ADD3: variants seen among roughly 807,000 people sequenced by gnomAD.
ADD3 encodes gamma-adducin.
In ADD3, 25 loss-of-function variants were observed where a neutral mutation model predicts 80.2. The observed-to-expected ratio is 0.31, with a 90% CI of 0.23 to 0.44. The LOEUF (loss-of-function observed/expected upper bound fraction) is 0.44. Among genes scored for constraint, ADD3 ranks in the 20% least tolerant of loss-of-function variants. The pLI is 1.00. For missense variants in ADD3, 829 were observed against 847.5 expected (o/e 0.98, Z 0.27); for synonymous variants, 284 against 289.6 (o/e 0.98, Z 0.20).
At chr10:110,084,004 G>A (rs371977011) in intron 1 of ADD3, among the ~76,000 whole-genome samples, 1 of 152,152 alleles carries the variant, frequency 6.6e-6, no homozygotes, top group Non-Finnish European at 1.5e-5. Flanking sequence ...AGTACTTGAT[G>A]TAGGCTTTAA....
chr10:110,063,780 T>TATAA (rs1158539551), intron 1 of ADD3, among the ~76,000 whole-genome samples: 3 of 112,580 alleles, frequency 2.7e-5, no homozygotes, highest in East Asian at 5.3e-4. Flanking sequence ...TATATATATA[T>TATAA]ATAAAGTGAA....
At chr10:110,007,641 G>A (rs1401395361), upstream of ADD3, among the ~76,000 whole-genome samples, 1 of 152,210 alleles carries the variant, frequency 6.6e-6, no homozygotes, top group Non-Finnish European at 1.5e-5. Context: ...GCGCCAGGCA[G>A]CCGCCCCGAA....
intron 1 of ADD3, among the ~76,000 whole-genome samples, chr10:110,052,329 C>T (rs887027331): frequency 3.3e-5 from 5 of 152,164 alleles, no homozygotes; most frequent in African/African-American, 1.2e-4. Context: ...GTTCCCATTC[C>T]CTGGGCCCCG....
At chr10:110,096,608 G>A (rs1258437693) in intron 1 of ADD3, among the ~76,000 whole-genome samples, 3 of 152,094 alleles carry the variant, frequency 2.0e-5, no homozygotes, top group Admixed American at 6.6e-5. Flanking sequence ...GGTCTGCTGG[G>A]AACCTGGCTT....
At chr10:110,011,545 T>C (rs1349405183) in intron 1 of ADD3, among the ~76,000 whole-genome samples, 1 of 152,246 alleles carries the variant, frequency 6.6e-6, no homozygotes, top group East Asian at 1.9e-4. Context: ...AAGACACAGG[T>C]TACTAATCTG....
intron 1 of ADD3, among the ~76,000 whole-genome samples, chr10:110,039,605 T>C (rs1036995287): frequency 6.6e-6 from 1 of 152,224 alleles, no homozygotes; most frequent in African/African-American, 2.4e-5. Context: ...ACTGTATTAG[T>C]TATCTATTGC....
intron 1 of ADD3, among the ~76,000 whole-genome samples, chr10:109,998,698 A>G (rs2133666099): frequency 6.6e-6 from 1 of 152,048 alleles, no homozygotes; most frequent in Middle Eastern, 3.4e-3. Context: ...TCAATCTCTC[A>G]ATCATACCAA....
In ADD3 at chr10:110,095,229, A is replaced by C. The variant is rs140033881; in HGVS notation, c.-29-5396A>C. ...TTTTTAAAATAACAGTTTTATGGAG[A>C]TAATTCACATACCATGCCATTTGGC... On this transcript the variant is annotated intron_variant, in intron 1 of 14. Coordinates refer to ENST00000356080, the MANE Select transcript of ADD3 (RefSeq NM_016824.5). 3.2e-4 allele frequency among the ~76,000 whole-genome samples: 48 copies of C among 152,312 alleles called. No homozygotes were observed. In the East Asian group the frequency reaches 9.1e-3, roughly 29 times the overall value.
At chr10:109,998,489 C>G (rs1851422378) in intron 1 of ADD3, among the ~76,000 whole-genome samples, 1 of 152,198 alleles carries the variant, frequency 6.6e-6, no homozygotes, top group African/African-American at 2.4e-5. Flanking sequence ...AGTCACATCT[C>G]TCTAGTGTTC....
chr10:110,046,120 T>G (rs1424009859), intron 1 of ADD3, among the ~76,000 whole-genome samples: 1 of 152,218 alleles, frequency 6.6e-6, no homozygotes, highest in Non-Finnish European at 1.5e-5. Context: ...AAAGTTGAAT[T>G]GCTTGATGTG....
chr10:110,093,158 C>A (rs1417101014), intron 1 of ADD3, among the ~76,000 whole-genome samples: 1 of 152,146 alleles, frequency 6.6e-6, no homozygotes, highest in South Asian at 2.1e-4. Flanking sequence ...CACACCTGGC[C>A]AGAGTTGTAA....
chr10:110,101,743 A>C (rs1204483140), intron 2 of ADD3, among the ~76,000 whole-genome samples: 1 of 152,190 alleles, frequency 6.6e-6, no homozygotes, highest in African/African-American at 2.4e-5. Context: ...ACAAAATCTT[A>C]GTGGAAATGT....
intron 1 of ADD3, among the ~76,000 whole-genome samples, chr10:110,016,157 T>A (rs1431283808): frequency 3.3e-5 from 5 of 152,170 alleles, no homozygotes; most frequent in Non-Finnish European, 7.3e-5. Flanking sequence ...AGGACATACT[T>A]CTTGGGGCTG....
chr10:110,067,946 A>G (rs1428989298), intron 1 of ADD3, among the ~76,000 whole-genome samples: 1 of 151,858 alleles, frequency 6.6e-6, no homozygotes, highest in Non-Finnish European at 1.5e-5. Flanking sequence ...TTTTAAAGGG[A>G]TAACTATTTA....
intron 1 of ADD3, among the ~76,000 whole-genome samples, chr10:110,086,496 T>C (rs1846768645): frequency 6.6e-6 from 1 of 152,200 alleles, no homozygotes; most frequent in African/African-American, 2.4e-5. Context: ...TTCCAAGTAT[T>C]GGAGGTGGGG....
intron 14 of ADD3, among the ~76,000 whole-genome samples, chr10:110,132,919 C>T (rs561951623): frequency 9.2e-4 from 120 of 130,128 alleles, no homozygotes; most frequent in Admixed American, 1.6e-3. Context: ...AGTGAGACTC[C>T]GCCTCAAAAA....
chr10:110,105,816 C>G (rs766503496), intron 2 of ADD3, among the ~76,000 whole-genome samples: 53 of 152,134 alleles, frequency 3.5e-4, no homozygotes, highest in Non-Finnish European at 5.7e-4. Flanking sequence ...GTCAAAATCA[C>G]CATGATCTGT....
chr10:110,126,498 C>T lies in ADD3; in HGVS notation c.1603C>T (p.Pro535Ser), dbSNP rs756410209. The part of the protein sequence containing the change: ...LLAGIVVDKP[P>S]STMQFEDDDH... ...TGCTGGAATTGTTGTGGATAAGCCACCTTCTGTAAGTTTATGAAGTAGTAT... is the reference window on the plus strand; with the variant it reads ...TGCTGGAATTGTTGTGGATAAGCCATCTTCTGTAAGTTTATGAAGTAGTAT... The change falls in exon 12 of 15, where the codon CCT becomes TCT. Residue 535 changes from proline (P) to serine (S), a missense_variant. Transcript: ENST00000356080. 6.2e-7 allele frequency: 1 copy of T among 1,610,494 alleles called. No individual in the cohort carries two copies.
intron 1 of ADD3, among the ~76,000 whole-genome samples, chr10:110,085,020 CTCTT>C (rs775040825): frequency 2.6e-5 from 4 of 152,086 alleles, no homozygotes; most frequent in African/African-American, 2.4e-5. Flanking sequence ...GGGTTGTTGT[CTCTT>C]TATCTTCTCA....
Sources: allele counts gnomAD v4.1 joint callset (sites outside exome capture counted in the v4.1 genomes callset), GRCh38; gene constraint gnomAD v4.1.1; transcripts MANE v1.5; gene names NCBI Gene and HGNC (gene_info 2026-07-23, HGNC 2026-07-21).